The following ANKRD24 variants were observed in gnomAD, a reference collection of about 807,000 sequenced individuals.
ANKRD24 encodes the protein ankyrin repeat domain 24.
In ANKRD24, 109 loss-of-function variants were observed where a neutral mutation model predicts 127.8. The ratio of observed to expected loss-of-function variants is 0.85; its 90% CI spans 0.73 to 1.00. The LOEUF (loss-of-function observed/expected upper bound fraction) is 1.00, where lower values mean the gene tolerates loss of function less well. ANKRD24 is among the 50% of genes least tolerant of loss of function. The probability of loss-of-function intolerance (pLI) is 0.00; values close to 1 mark genes in which losing one functional copy is unlikely to be tolerated. For synonymous variants in ANKRD24, 743 were observed against 671.1 expected, an observed-to-expected ratio of 1.11 and a Z score of -1.66; for missense variants, 1,648 against 1,570.2, an observed-to-expected ratio of 1.05 and a Z score of -0.84.
intron 7 of ANKRD24, among the ~76,000 whole-genome samples, chr19:4,205,209 C>T (rs980534515): frequency 6.6e-6 from 1 of 151,820 alleles, no homozygotes; most frequent in Non-Finnish European, 1.5e-5. Context: ...CTGCACAGCC[C>T]GGGCAACAGA....
In ANKRD24 at chr19:4,216,937, G is replaced by A. The variant is rs760512738; in HGVS notation, c.1777G>A (p.Gly593Arg). The A allele has an allele frequency of 3.7e-6, 6 of 1,611,396 alleles. No homozygotes were observed. In the African/African-American group the frequency reaches 8.0e-5, roughly 22 times the overall value. Reference sequence around the variant, plus strand: ...CGAGGCCACGGGAGCTGAGGCCACAGGAGCCAAGGTCACAGAAACAAAACC... The same window carrying A: ...CGAGGCCACGGGAGCTGAGGCCACAAGAGCCAAGGTCACAGAAACAAAACC... ...GAEATGAEAT[G>R]AKVTETKPTG... The change falls in exon 18 of 22, where the codon GGA becomes AGA. Residue 593 changes from glycine (G) to arginine (R), a missense_variant. By Grantham distance (125) the Gly-to-Arg change is moderately radical. Coordinates refer to ENST00000318934, the MANE Select transcript of ANKRD24 (RefSeq NM_001393985.1).
chr19:4,203,533 G>C lies in ANKRD24; in HGVS notation c.466+607G>C, dbSNP rs1969213370. Among the ~76,000 whole-genome samples the C allele has an allele frequency of 3.3e-5, 5 of 151,762 alleles. No individual in the cohort carries two copies. In the South Asian group the frequency reaches 1.0e-3, roughly 32 times the overall value. On this transcript the variant is annotated intron_variant, in intron 7 of 21. Transcript: ENST00000318934. ...GGCTAATATTTTAAATTTATTTGTA[G>C]ATACAGGATCTTGCTATGTTGCCCA...
chr19:4,184,471 C>A (rs1195013723), intron 1 of ANKRD24, among the ~76,000 whole-genome samples: 1 of 152,258 alleles, frequency 6.6e-6, no homozygotes, highest in Non-Finnish European at 1.5e-5. Flanking sequence ...CACCCACGCA[C>A]TTCCCACTTG....
intron 1 of ANKRD24, among the ~76,000 whole-genome samples, chr19:4,182,965 T>TTGTGTGTGTGTGTGTGTGTGTGTGTGTG (rs57280997): frequency 6.5e-5 from 9 of 138,680 alleles, no homozygotes; most frequent in Non-Finnish European, 9.3e-5. Context: ...AATATCTCAT[T>TTGTGTGTGTGTGTGTGTGTGTGTGTGTG]TGTGTGTGTG....
intron 11 of ANKRD24, among the ~76,000 whole-genome samples, chr19:4,209,201 C>A (rs1052107816): frequency 1.3e-5 from 2 of 152,010 alleles, no homozygotes; most frequent in East Asian, 1.9e-4. Flanking sequence ...ACCTTCACCC[C>A]CTGGGTTCAA....
Position 4,210,428 on chromosome 19 carries a change from C to T in ANKRD24, c.1059+56C>T, listed in dbSNP as rs116031213. The T allele has an allele frequency of 3.2e-3, 4,488 of 1,381,698 alleles. 118 individuals carry two copies. The African/African-American group carries it at 0.058, about 18-fold the overall frequency. The allele number at this position is 1,381,698 out of a possible 1,614,324, so 85.6% of individuals were successfully genotyped here. A position where few individuals can be genotyped will look rare whatever the true frequency, so the allele number is the denominator to read the frequency against. ...CCAGCCTGGGTGGGGTCAATGCAGG[C>T]ATGAAGATCCCCCTACTTTTCTCCC... On this transcript the variant is annotated intron_variant, in intron 13 of 21. Coordinates refer to ENST00000318934, the MANE Select transcript of ANKRD24 (RefSeq NM_001393985.1).
At chr19:4,209,665 C>G (rs1302059877) in intron 11 of ANKRD24, among the ~76,000 whole-genome samples, 3 of 151,900 alleles carry the variant, frequency 2.0e-5, no homozygotes, top group African/African-American at 7.3e-5. Context: ...GTTGTCCAGG[C>G]TGCTCTCGAA....
intron 20 of ANKRD24, 144 bp downstream of exon 20, chr19:4,222,939 A>T (rs1233028676): frequency 1.0e-6 from 1 of 973,010 alleles, no homozygotes; most frequent in Non-Finnish European, 1.4e-6. Context: ...CGGCATGGCC[A>T]GGAAATACTT....
At position 4,217,431 on chromosome 19, in the gene ANKRD24, G is replaced by A. The variant is rs776302735; in HGVS notation, c.2271G>A (p.Ala757=). ...CGGCCCTGGGGAAGTGCGAGGCCGC[G>A]GAGGCCGAGGCAGGCCGGCTGCGAG... The part of the protein sequence containing the change: ...LEAALGKCEA[A]EAEAGRLRER... The change falls in exon 18 of 22, where the codon GCG becomes GCA. Residue 757 remains alanine (A), a synonymous_variant. Coordinates refer to ENST00000318934, the MANE Select transcript of ANKRD24 (RefSeq NM_001393985.1). 8 of 1,541,394 alleles carry A rather than the reference G, an allele frequency of 5.2e-6. No homozygotes were observed. Among genetic ancestry groups the A allele is most frequent in the Middle Eastern group, 2.0e-4 (1 of 5,036 alleles).
At chr19:4,220,698 G>T (rs1970394988) in intron 19 of ANKRD24, among the ~76,000 whole-genome samples, 1 of 151,850 alleles carries the variant, frequency 6.6e-6, no homozygotes, top group Non-Finnish European at 1.5e-5. Flanking sequence ...GGGACTACAG[G>T]CGCCTGCCAC....
chr19:4,183,520 G>A (rs1967862044), intron 1 of ANKRD24: 1 of 228,066 alleles, frequency 4.4e-6, no homozygotes, highest in African/African-American at 2.3e-5. Flanking sequence ...GGGTGATGCA[G>A]AGGGCACAGG....
rs1053064731 is a variant in ANKRD24, at chr19:4,224,320, C to A, written c.3364-108C>A. ...GAGGTTCGTGGCATGTGGGAGCCCC[C>A]CTGTGTGCATTTCCCTCCTGGCTGG... On this transcript the variant is annotated intron_variant, in intron 21 of 21. Transcript: ENST00000318934. 12 of 1,423,806 alleles carry A rather than the reference C, an allele frequency of 8.4e-6. No homozygotes were observed. In the East Asian group the frequency reaches 2.0e-4, roughly 23 times the overall value. The allele number at this position is 1,423,806 out of a possible 1,614,324, so 88.2% of individuals were successfully genotyped here.
rs1481506412 is a variant in ANKRD24, at chr19:4,207,259, T to G, written c.484T>G (p.Ser162Ala). The G allele has an allele frequency of 1.9e-6, 3 of 1,613,842 alleles. No individual in the cohort carries two copies. The highest frequency in any genetic ancestry group is 2.7e-5 in the African/African-American group (2 of 74,990). The change falls in exon 8 of 22, where the codon TCC (serine) becomes GCC (alanine). Residue 162 changes from serine to alanine, a missense_variant. Physicochemically the swap from Ser to Ala is moderately conservative, Grantham distance 99. Coordinates refer to ENST00000318934, the MANE Select transcript of ANKRD24 (RefSeq NM_001393985.1). Reference sequence around the variant, plus strand: ...TTTTGCAGCGGCTGGTGGCTGTCTCTCCTGCTCAGAGGTGCTCTGCTCCTT... The same window carrying G: ...TTTTGCAGCGGCTGGTGGCTGTCTCGCCTGCTCAGAGGTGCTCTGCTCCTT... ...LHHAAAGGCL[S>A]CSEVLCSFKA...
In ANKRD24 at chr19:4,217,937, C is replaced by A; in HGVS notation, c.2777C>A (p.Ala926Asp). The change falls in exon 18 of 22, where the codon GCC becomes GAC. Residue 926 changes from alanine (A) to aspartate (D), a missense_variant. Ala to Asp is a moderately radical substitution (Grantham distance 126). Transcript: ENST00000318934. Reference protein sequence around the residue: ...ASEHRRLQEEALELRGRAASL... With the variant: ...ASEHRRLQEEDLELRGRAASL... ...GAGCACCGCCGGCTGCAGGAGGAGG[C>A]CCTGGAGCTGCGGGGCCGGGCAGCC... The A allele has an allele frequency of 6.7e-7, 1 of 1,503,124 alleles. No homozygotes were observed. 93.1% of individuals were successfully genotyped at this position (1,503,124 alleles called of 1,614,324 possible).
At chr19:4,211,856 A>C (rs1447111588) in intron 13 of ANKRD24, among the ~76,000 whole-genome samples, 1 of 152,088 alleles carries the variant, frequency 6.6e-6, no homozygotes, top group Non-Finnish European at 1.5e-5. Context: ...GTGCTCAATA[A>C]ATACTGAGTG....
At chr19:4,183,290 A>C (rs1451242987) in intron 1 of ANKRD24, 2 of 986,002 alleles carry the variant, frequency 2.0e-6, no homozygotes, top group African/African-American at 3.5e-5. Context: ...AAGTTATCTG[A>C]GTATCATCCA....
In ANKRD24 at chr19:4,217,512, C is replaced by T. The variant is rs1448691681; in HGVS notation, c.2352C>T (p.Thr784=). ...CCAGCGGGGGCGGTGGCGGTGACAC[C>T]ACACAGCTGCGGGCGGCCCTGGAGC... ...SGASGGGGGD[T]TQLRAALEQA... The change falls in exon 18 of 22, where the codon ACC becomes ACT. Residue 784 remains threonine, a synonymous_variant. Transcript: ENST00000318934. The T allele has an allele frequency of 7.2e-7, 1 of 1,383,738 alleles. No homozygotes were observed. Among genetic ancestry groups the T allele is most frequent in the East Asian group, 3.0e-5 (1 of 33,676 alleles). 85.7% of individuals were successfully genotyped at this position (1,383,738 alleles called of 1,614,324 possible).
chr19:4,217,368 C>T lies in ANKRD24; in HGVS notation c.2208C>T (p.Leu736=), dbSNP rs1478279588. 8 of 1,551,004 alleles carry T rather than the reference C, an allele frequency of 5.2e-6. No homozygotes were observed. In the Admixed American group the frequency reaches 1.2e-4, roughly 23 times the overall value. ...GGATCCGTGGCTTGGAGGAGGCTCTCCGGCAGCGGGAGCGGGAGGCAGCTG... is the reference window on the plus strand; with the variant it reads ...GGATCCGTGGCTTGGAGGAGGCTCTTCGGCAGCGGGAGCGGGAGGCAGCTG... ...ETRIRGLEEA[L]RQREREAAAE... Residue 736 remains leucine, a synonymous_variant, in exon 18 of 22, where the codon CTC becomes CTT. Coordinates refer to ENST00000318934, the MANE Select transcript of ANKRD24 (RefSeq NM_001393985.1).
At chr19:4,221,928 A>G (rs1970462647) in intron 19 of ANKRD24, among the ~76,000 whole-genome samples, 1 of 152,146 alleles carries the variant, frequency 6.6e-6, no homozygotes, top group African/African-American at 2.4e-5. Flanking sequence ...CGTGACAACC[A>G]CAGATGTCCC....
Sources: gnomAD v4.1 joint callset for allele counts (sites outside exome capture counted in the v4.1 genomes callset) on GRCh38, gnomAD v4.1.1 for gene constraint, MANE v1.5 for transcripts, NCBI Gene and HGNC (gene_info 2026-07-23, HGNC 2026-07-21) for gene names.